Variants in CDH10 observed in about 807,000 individuals in gnomAD.
The protein encoded by CDH10 is cadherin 10.
In CDH10, 30 loss-of-function variants were observed where a neutral mutation model predicts 73.1. The observed-to-expected ratio is 0.41, with a 90% confidence interval of 0.31 to 0.56. The LOEUF (loss-of-function observed/expected upper bound fraction) is 0.56, where lower values mean the gene tolerates loss of function less well. Ranked by LOEUF, CDH10 falls within the 20% of genes least tolerant of loss-of-function variation. CDH10 has a pLI of 0.27. For synonymous variants in CDH10, 345 were observed against 348.2 expected, an observed-to-expected ratio of 0.99 and a Z score of 0.10; for missense variants, 815 against 973.7, an observed-to-expected ratio of 0.84 and a Z score of 2.17.
chr5:24,518,884 C>CTTTTTT (rs36019861), intron 5 of CDH10, among the ~76,000 whole-genome samples: 12 of 77,450 alleles, frequency 1.5e-4, no homozygotes, highest in Non-Finnish European at 2.1e-4. Flanking sequence ...GACATGTGCA[C>CTTTTTT]TTTTTTTTTT....
At chr5:24,588,442 G>T (rs1316551762) in intron 2 of CDH10, among the ~76,000 whole-genome samples, 1 of 152,136 alleles carries the variant, frequency 6.6e-6, no homozygotes, top group Non-Finnish European at 1.5e-5. Context: ...GGAACGTTTA[G>T]TCTCAAGAAC....
At chr5:24,527,900 T>C (rs541723307) in intron 5 of CDH10, among the ~76,000 whole-genome samples, 148 of 151,654 alleles carry the variant, frequency 9.8e-4, no homozygotes, top group Non-Finnish European at 1.0e-3. Flanking sequence ...GAGAGAGAGA[T>C]TGTGTCTGTT....
At chr5:24,522,955 G>A (rs1452961575) in intron 5 of CDH10, among the ~76,000 whole-genome samples, 1 of 152,140 alleles carries the variant, frequency 6.6e-6, no homozygotes, top group Non-Finnish European at 1.5e-5. Context: ...TGTAGTGAGA[G>A]TGCTCGTAGG....
chr5:24,585,787 T>C (rs1745973786), intron 2 of CDH10, among the ~76,000 whole-genome samples: 1 of 151,470 alleles, frequency 6.6e-6, no homozygotes, highest in Non-Finnish European at 1.5e-5. Context: ...GGTCATTTCC[T>C]AGATTTTTGT....
chr5:24,565,911 A>G lies in CDH10; in HGVS notation c.231+27349T>C, dbSNP rs569055367. 5.9e-5 allele frequency among the ~76,000 whole-genome samples: 9 copies of G among 152,252 alleles called. No individual in the cohort carries two copies. The East Asian group carries it at 1.5e-3, about 26-fold the overall frequency. ...ATCTGGAACTATTAGCCTCCAGAAC[A>G]ATGAGAAAATAAATTTCTCATTTAA... On this transcript the variant is annotated intron_variant, in intron 2 of 11. Coordinates refer to ENST00000264463, the MANE Select transcript of CDH10 (RefSeq NM_006727.5).
At chr5:24,625,240 A>G (rs1386434591) in intron 1 of CDH10, among the ~76,000 whole-genome samples, 1 of 148,788 alleles carries the variant, frequency 6.7e-6, no homozygotes, top group East Asian at 2.0e-4. Flanking sequence ...TACTGTTACT[A>G]CCACTTTTAT....
intron 5 of CDH10, among the ~76,000 whole-genome samples, chr5:24,534,512 T>C (rs2111872651): frequency 6.6e-6 from 1 of 152,210 alleles, no homozygotes; most frequent in Middle Eastern, 3.4e-3. Context: ...TACCTATTCC[T>C]AATCTATTTT....
At chr5:24,519,228 T>C (rs1439701838) in intron 5 of CDH10, among the ~76,000 whole-genome samples, 1 of 152,112 alleles carries the variant, frequency 6.6e-6, no homozygotes, top group Non-Finnish European at 1.5e-5. Context: ...TCAGTCTGCA[T>C]CTTTTTTGGT....
intron 1 of CDH10, among the ~76,000 whole-genome samples, chr5:24,594,672 T>C (rs1210481477): frequency 6.6e-6 from 1 of 151,992 alleles, no homozygotes; most frequent in Non-Finnish European, 1.5e-5. Flanking sequence ...CTACTTGTTC[T>C]CTGTGCCTAG....
At chr5:24,585,187 G>T (rs1745950083) in intron 2 of CDH10, among the ~76,000 whole-genome samples, 2 of 151,938 alleles carry the variant, frequency 1.3e-5, no homozygotes, top group Admixed American at 1.3e-4. Context: ...TGAAAACCTA[G>T]CAAGTAGGCT....
At chr5:24,574,009 C>G (rs187276732) in intron 2 of CDH10, among the ~76,000 whole-genome samples, 5 of 151,514 alleles carry the variant, frequency 3.3e-5, no homozygotes, top group Admixed American at 3.3e-4. Context: ...CTCAACCTCC[C>G]GAGTAGCTGG....
intron 8 of CDH10, among the ~76,000 whole-genome samples, chr5:24,501,215 G>C (rs1014547717): frequency 6.6e-6 from 1 of 151,994 alleles, no homozygotes; most frequent in Admixed American, 6.6e-5. Context: ...ACAGAGACAG[G>C]AGAGACAAAA....
At chr5:24,580,723 C>G (rs891329824) in intron 2 of CDH10, among the ~76,000 whole-genome samples, 1 of 152,132 alleles carries the variant, frequency 6.6e-6, no homozygotes. Context: ...TAAAACAACA[C>G]AAATTAATTT....
At chr5:24,553,413 T>C (rs367768210) in intron 2 of CDH10, among the ~76,000 whole-genome samples, 21 of 152,234 alleles carry the variant, frequency 1.4e-4, no homozygotes, top group African/African-American at 5.1e-4. Context: ...TCTTGCTCAG[T>C]CATTTTGGAA....
At chr5:24,528,707 G>A (rs1430119341) in intron 5 of CDH10, among the ~76,000 whole-genome samples, 1 of 151,976 alleles carries the variant, frequency 6.6e-6, no homozygotes, top group African/African-American at 2.4e-5. Context: ...TAAGAATTCA[G>A]TGTGTCCTGC....
intron 2 of CDH10, among the ~76,000 whole-genome samples, chr5:24,568,965 C>T (rs1745265015): frequency 6.6e-6 from 1 of 151,896 alleles, no homozygotes; most frequent in South Asian, 2.1e-4. Flanking sequence ...CAAAAATTAG[C>T]TGTCCGTGGT....
At chr5:24,585,505 C>T (rs896084881) in intron 2 of CDH10, among the ~76,000 whole-genome samples, 5 of 152,150 alleles carry the variant, frequency 3.3e-5, no homozygotes, top group Admixed American at 6.5e-5. Context: ...TCACTGCAAC[C>T]TCCGCCTCCC....
intron 2 of CDH10, among the ~76,000 whole-genome samples, chr5:24,571,572 C>A (rs1561170699): frequency 6.6e-6 from 1 of 152,040 alleles, no homozygotes; most frequent in Non-Finnish European, 1.5e-5. Context: ...AAATTTAAGA[C>A]ACTGACTAGA....
At chr5:24,535,398 C>T (rs1381768586) in intron 4 of CDH10, 119 bp from the exon 5 acceptor site, 22 of 909,090 alleles carry the variant, frequency 2.4e-5, no homozygotes, top group Middle Eastern at 3.2e-4. Flanking sequence ...TTTTGATACT[C>T]GTTTTTATTG....
Sources: allele counts gnomAD v4.1 joint callset (sites outside exome capture counted in the v4.1 genomes callset), GRCh38; gene constraint gnomAD v4.1.1; transcripts MANE v1.5; gene names NCBI Gene and HGNC (gene_info 2026-07-23, HGNC 2026-07-21).